MAPKAP1: variants seen among roughly 807,000 people sequenced by gnomAD.
The protein encoded by MAPKAP1 is target of rapamycin complex 2 subunit MAPKAP1.
In MAPKAP1, 20 loss-of-function variants were observed where a neutral mutation model predicts 65.7. That is an observed-to-expected ratio of 0.30 (90% CI 0.21 to 0.44). The LOEUF is 0.44. Ranked by LOEUF, MAPKAP1 falls within the 20% of genes least tolerant of loss-of-function variation. MAPKAP1 has a pLI of 1.00. For missense variants in MAPKAP1, 423 were observed against 648.0 expected, an observed-to-expected ratio of 0.65 and a Z score of 3.77; for synonymous variants, 222 against 244.3, an observed-to-expected ratio of 0.91 and a Z score of 0.85.
chr9:125,610,354 T>G (rs1832562942), intron 4 of MAPKAP1, among the ~76,000 whole-genome samples: 1 of 152,218 alleles, frequency 6.6e-6, no homozygotes, highest in Admixed American at 6.5e-5. Context: ...AAAAGAGCTA[T>G]TTTATCTGAC....
intron 7 of MAPKAP1, among the ~76,000 whole-genome samples, chr9:125,538,503 T>TC (rs1421498851): frequency 3.2e-4 from 49 of 151,630 alleles, no homozygotes; most frequent in Admixed American, 3.2e-3. Flanking sequence ...CTGCTTTATC[T>TC]CCCTTAAAGG....
rs35807247 is a variant in MAPKAP1, at chr9:125,686,311, C to CAA, written c.-69-13670_-69-13669dup. 2.5e-4 allele frequency among the ~76,000 whole-genome samples: 14 copies of CAA among 56,922 alleles called. 1 individual carries two copies. Among genetic ancestry groups the CAA allele is most frequent in the South Asian group, 1.9e-3 (3 of 1,614 alleles). 37.3% of individuals were successfully genotyped at this position (56,922 alleles called of 152,430 possible). A position where few individuals can be genotyped will look rare whatever the true frequency, so the allele number is the denominator to read the frequency against. ...CGGGCAAAAGAATGAGACTCTGTCT[C>CAA]AAAAAAAAAAAAAAGAAAAGAAAAA... is the stretch of plus-strand genomic sequence containing the variant. On this transcript the variant is annotated intron_variant, in intron 1 of 11. Transcript: ENST00000265960.
chr9:125,704,093 C>T (rs1224821122), intron 1 of MAPKAP1, among the ~76,000 whole-genome samples: 2 of 152,200 alleles, frequency 1.3e-5, no homozygotes, highest in African/African-American at 4.8e-5. Context: ...ACTGAAGCTA[C>T]AGCTCAAGGG....
At chr9:125,523,431 A>G (rs1458175929) in intron 7 of MAPKAP1, among the ~76,000 whole-genome samples, 2 of 152,242 alleles carry the variant, frequency 1.3e-5, no homozygotes, top group African/African-American at 4.8e-5. Context: ...CATGACTCTC[A>G]GTGATCCAAT....
At chr9:125,455,315 G>A (rs989005575) in intron 10 of MAPKAP1, among the ~76,000 whole-genome samples, 1 of 152,178 alleles carries the variant, frequency 6.6e-6, no homozygotes, top group Non-Finnish European at 1.5e-5. Flanking sequence ...CAGAGTTGTT[G>A]CAAGAATTAA....
chr9:125,517,465 C>A (rs1039625799), intron 7 of MAPKAP1, among the ~76,000 whole-genome samples: 1 of 152,138 alleles, frequency 6.6e-6, no homozygotes, highest in African/African-American at 2.4e-5. Flanking sequence ...AGTGTGATTT[C>A]TTTAGGGTTT....
intron 11 of MAPKAP1, among the ~76,000 whole-genome samples, chr9:125,442,088 G>A (rs1185915315): frequency 2.5e-5 from 3 of 120,598 alleles, no homozygotes; most frequent in Non-Finnish European, 4.7e-5. Context: ...GAGATCACAC[G>A]ACTACACCCC....
intron 5 of MAPKAP1, among the ~76,000 whole-genome samples, chr9:125,574,409 G>A (rs1831330838): frequency 6.6e-6 from 1 of 152,238 alleles, no homozygotes; most frequent in Admixed American, 6.5e-5. Flanking sequence ...GCACAGCTGG[G>A]AGTCAGAATA....
At chr9:125,585,858 TCC>T in intron 4 of MAPKAP1, 131 bp from the exon 5 acceptor site, 2 of 803,766 alleles carry the variant, frequency 2.5e-6, no homozygotes, top group Non-Finnish European at 3.8e-6. Context: ...CATGGAATGG[TCC>T]CAAAGTGGAA....
intron 8 of MAPKAP1, among the ~76,000 whole-genome samples, chr9:125,490,861 G>A (rs10986775): frequency 0.17 from 26,594 of 152,146 alleles, 2,876 homozygotes; most frequent in East Asian, 0.27. Context: ...GGCCTGGCTA[G>A]GTGCAGTGGC....
intron 4 of MAPKAP1, among the ~76,000 whole-genome samples, chr9:125,615,915 G>GAAAAA (rs763540546): frequency 9.5e-6 from 1 of 105,204 alleles, no homozygotes. Flanking sequence ...CTCCGTCTCA[G>GAAAAA]AAAAAAAAAA....
chr9:125,677,416 C>A (rs1834679164), intron 1 of MAPKAP1, among the ~76,000 whole-genome samples: 1 of 151,986 alleles, frequency 6.6e-6, no homozygotes, highest in South Asian at 2.1e-4. Flanking sequence ...AATAATAAGG[C>A]CCGGTACAGT....
intron 1 of MAPKAP1, among the ~76,000 whole-genome samples, chr9:125,704,792 T>C (rs575179096): frequency 6.6e-6 from 1 of 152,352 alleles, no homozygotes; most frequent in Admixed American, 6.5e-5. Flanking sequence ...GCCTCAAGCA[T>C]TATACCTTTG....
At chr9:125,616,862 G>T (rs1313887784) in intron 4 of MAPKAP1, among the ~76,000 whole-genome samples, 1 of 152,118 alleles carries the variant, frequency 6.6e-6, no homozygotes, top group East Asian at 1.9e-4. Context: ...TGAGGGCTAG[G>T]AAATCAATTT....
chr9:125,638,524 T>C (rs974448339), intron 4 of MAPKAP1, among the ~76,000 whole-genome samples: 6 of 152,230 alleles, frequency 3.9e-5, no homozygotes, highest in African/African-American at 9.7e-5. Context: ...GAAAGACCCA[T>C]TGTTTTGCAC....
At chr9:125,664,326 A>T (rs1186775385) in intron 3 of MAPKAP1, among the ~76,000 whole-genome samples, 1 of 150,280 alleles carries the variant, frequency 6.7e-6, no homozygotes, top group Non-Finnish European at 1.5e-5. Context: ...CAGCCTGGGC[A>T]ATAAGAGTAA....
At position 125,566,598 on chromosome 9, in the gene MAPKAP1, GAA is replaced by G. The variant is rs959568977; in HGVS notation, c.672-6791_672-6790del. 1.2e-4 allele frequency among the ~76,000 whole-genome samples: 11 copies of G among 90,548 alleles called. 1 individual carries two copies. Among genetic ancestry groups the G allele is most frequent in the Admixed American group, 1.2e-3 (11 of 9,192 alleles). The allele number at this position is 90,548 out of a possible 152,430, so 59.4% of individuals were successfully genotyped here. On this transcript the variant is annotated intron_variant, in intron 5 of 11. Coordinates refer to ENST00000265960, the MANE Select transcript of MAPKAP1 (RefSeq NM_001006617.3). ...AGAAAAAGAAAAAGAAAAAGAAAAA[GAA>G]AAAAGACTTCTTCATTCACTTGGAT...
chr9:125,469,919 T>C (rs1476725297), intron 9 of MAPKAP1, among the ~76,000 whole-genome samples: 1 of 152,180 alleles, frequency 6.6e-6, no homozygotes, highest in African/African-American at 2.4e-5. Flanking sequence ...AAGCCATGGT[T>C]GTCGGGTGTG....
chr9:125,624,451 C>A (rs1589356554), intron 4 of MAPKAP1, among the ~76,000 whole-genome samples: 1 of 113,368 alleles, frequency 8.8e-6, no homozygotes, highest in African/African-American at 3.3e-5. Flanking sequence ...TCAGCCCCCA[C>A]GCCCGGCCAG....
Sources: allele counts gnomAD v4.1 joint callset (sites outside exome capture counted in the v4.1 genomes callset), GRCh38; gene constraint gnomAD v4.1.1; transcripts MANE v1.5; gene names NCBI Gene and HGNC (gene_info 2026-07-23, HGNC 2026-07-21).